Variants in DNMT1 observed in about 807,000 individuals in gnomAD.
DNMT1 encodes DNA methyltransferase 1, also known as DNA (cytosine-5)-methyltransferase 1.
DNMT1 carries 24 observed loss-of-function variants against 205.3 expected under a neutral mutation model. That is an observed-to-expected ratio of 0.12 (90% confidence interval 0.08 to 0.16). DNMT1 has a LOEUF of 0.16. DNMT1 is among the 10% of genes least tolerant of loss of function. DNMT1 has a pLI of 1.00. For missense variants in DNMT1, 1,293 were observed against 2,177.7 expected, an observed-to-expected ratio of 0.59 and a Z score of 8.09; for synonymous variants, 817 against 839.8, an observed-to-expected ratio of 0.97 and a Z score of 0.47.
intron 12 of DNMT1, 119 bp downstream of exon 12, chr19:10,163,207 T>C (rs888127476): frequency 1.8e-6 from 2 of 1,117,404 alleles, no homozygotes; most frequent in Non-Finnish European, 2.7e-6. Context: ...CCTCAGGTGA[T>C]TCACCCACCT....
At chr19:10,148,353 G>C (rs893382266) in intron 27 of DNMT1, among the ~76,000 whole-genome samples, 1 of 149,804 alleles carries the variant, frequency 6.7e-6, no homozygotes, top group Admixed American at 6.7e-5. Flanking sequence ...AAAACTAGCC[G>C]GGTGTGGTGG....
chr19:10,188,043 G>A (rs1568261195), intron 1 of DNMT1, among the ~76,000 whole-genome samples: 1 of 152,204 alleles, frequency 6.6e-6, no homozygotes, highest in East Asian at 1.9e-4. Context: ...TCAGGAGACT[G>A]AGGCAGGAGG....
At chr19:10,190,765 AAAAATAAAATAAAAT>A (rs71188886) in intron 1 of DNMT1, among the ~76,000 whole-genome samples, 3,900 of 134,596 alleles carry the variant, frequency 0.029, 70 homozygotes, top group Non-Finnish European at 0.038. Flanking sequence ...ACTCTGTCTC[AAAAATAAAATAAAAT>A]AAAATAAAAT....
chr19:10,149,844 G>A lies in DNMT1; in HGVS notation c.2381+9C>T, dbSNP rs757202446. 1.2e-6 allele frequency: 2 copies of A among 1,614,030 alleles called. No homozygotes were observed. Among genetic ancestry groups the A allele is most frequent in the South Asian group, 1.1e-5 (1 of 91,088 alleles). ...CATGCAGAAGTCAAGCAAAAAGAAA[G>A]ATGCAAACCTTGCTAGATACAGCGG... On this transcript the variant is annotated intron_variant, in intron 25 of 40. Transcript: ENST00000359526.
chr19:10,171,512 A>C (rs1452567196), intron 9 of DNMT1, among the ~76,000 whole-genome samples: 4 of 152,122 alleles, frequency 2.6e-5, no homozygotes, highest in Non-Finnish European at 5.9e-5. Flanking sequence ...CTCTACTAAA[A>C]ACACAAAAAT....
intron 1 of DNMT1, among the ~76,000 whole-genome samples, chr19:10,183,219 G>A (rs568254549): frequency 3.1e-4 from 47 of 150,908 alleles, no homozygotes; most frequent in African/African-American, 1.1e-3. Context: ...AGGTTCAAGC[G>A]ATTCTCCTGG....
intron 3 of DNMT1, 54 bp from the exon 4 acceptor site, chr19:10,180,623 AACAAGGAAAC>A: frequency 6.4e-7 from 1 of 1,569,694 alleles, no homozygotes; most frequent in Non-Finnish European, 8.8e-7. Context: ...AGTGTCAGAG[AACAAGGAAAC>A]ACATGTGTTT....
At chr19:10,161,365 C>T (rs1388163424) in intron 13 of DNMT1, among the ~76,000 whole-genome samples, 1 of 148,504 alleles carries the variant, frequency 6.7e-6, no homozygotes, top group African/African-American at 2.5e-5. Flanking sequence ...AAATAAATAA[C>T]TGGCCAGGCA....
rs186149574 is a variant in DNMT1, at chr19:10,134,987, G to A, written c.4774-680C>T. Among the ~76,000 whole-genome samples, 110 of 152,026 alleles carry A rather than the reference G, an allele frequency of 7.2e-4. 1 individual carries two copies. In the East Asian group the frequency reaches 0.016, roughly 22 times the overall value. On this transcript the variant is annotated intron_variant, in intron 39 of 40. Coordinates refer to ENST00000359526, the MANE Select transcript of DNMT1 (RefSeq NM_001130823.3). ...AGCACTTTGGGAGGCCGAGGCAGGCGGATCACCTGAGGTCAAGAGTTCGGG... is the reference window on the plus strand; with the variant it reads ...AGCACTTTGGGAGGCCGAGGCAGGCAGATCACCTGAGGTCAAGAGTTCGGG...
chr19:10,135,324 C>T (rs367969841), intron 39 of DNMT1: 10 of 244,006 alleles, frequency 4.1e-5, no homozygotes, highest in African/African-American at 1.3e-4. Context: ...AAGCAATGCG[C>T]GTGCCCTATG....
chr19:10,189,545 G>A (rs140598412), intron 1 of DNMT1, among the ~76,000 whole-genome samples: 20 of 151,506 alleles, frequency 1.3e-4, no homozygotes, highest in Admixed American at 8.6e-4. Context: ...TCTGCCTCCC[G>A]AGTAGCTGGG....
intron 11 of DNMT1, 114 bp downstream of exon 11, chr19:10,166,484 G>A (rs2038695558): frequency 1.5e-6 from 2 of 1,295,378 alleles, no homozygotes; most frequent in African/African-American, 1.5e-5. Flanking sequence ...GCCCCATGGA[G>A]CCTGGGTGGA....
rs138998574 is a variant in DNMT1, at chr19:10,180,179, G to C, written c.493+8C>G. 2 of 768,956 alleles carry C rather than the reference G, an allele frequency of 2.6e-6. No homozygotes were observed. Among genetic ancestry groups the C allele is most frequent in the Non-Finnish European group, 4.3e-6 (2 of 460,172 alleles). 47.6% of individuals were successfully genotyped at this position (768,956 alleles called of 1,614,324 possible). On this transcript the variant is annotated splice_region_variant and intron_variant, in intron 5 of 40. Transcript: ENST00000359526. ...ATACAAAAATTAGCTGGGTGTGGTG[G>C]CACATACCTCTAATCCCAGTTACTT...
rs1224353267 is a variant in DNMT1, at chr19:10,149,958, T to C, written c.2276A>G (p.Lys759Arg). The change falls in exon 25 of 41, where the codon AAG becomes AGG. Residue 759 changes from lysine to arginine, a missense_variant. This residue lies in a region of DNMT1 where 197 missense variants were observed against 353.6 expected (regional missense o/e 0.56). Transcript: ENST00000359526. ...WVGEAVKTDG[K>R]KSYYKKVCID... ...GCACACCTTCTTATAGTAACTCTTC[T>C]TCCCATCAGTCTGAAAATGAGAGCA... The C allele has an allele frequency of 3.1e-6, 5 of 1,614,150 alleles. No individual in the cohort carries two copies. Among genetic ancestry groups the C allele is most frequent in the Non-Finnish European group, 4.2e-6 (5 of 1,179,978 alleles).
rs1003386808 is a variant in DNMT1, at chr19:10,159,310, A to C, written c.1280+348T>G. ...GGCTCACTGCAGCCTCCGCCTCCAGAGTTCAAGAAATTCTCCTGCCTAAGC... is the reference window on the plus strand; with the variant it reads ...GGCTCACTGCAGCCTCCGCCTCCAGCGTTCAAGAAATTCTCCTGCCTAAGC... On this transcript the variant is annotated intron_variant, in intron 17 of 40. Transcript: ENST00000359526. The surrounding 1 kb of genome is among the most constrained non-coding windows in gnomAD (Gnocchi z 5.0). Among the ~76,000 whole-genome samples, 6 of 152,210 alleles carry C rather than the reference A, an allele frequency of 3.9e-5. No individual in the cohort carries two copies. In the East Asian group the frequency reaches 9.7e-4, roughly 24 times the overall value.
chr19:10,180,379 C>T lies in DNMT1; in HGVS notation c.416G>A (p.Arg139Lys). The change falls in exon 4 of 41, where the codon AGG (arginine) becomes AAG (lysine). Residue 139 changes from arginine (R) to lysine (K), a missense_variant. This residue lies in a region of DNMT1 where 394 missense variants were observed against 451.6 expected (regional missense o/e 0.87). Coordinates refer to ENST00000359526, the MANE Select transcript of DNMT1 (RefSeq NM_001130823.3). The stretch of plus-strand genomic sequence containing the variant: ...AGCCTCTCCATCGGACTTGCTCCTC[C>T]TGGGCGTGCGAGGTTTGGAAAGGGG... ...PKPLSKPRTP[R>K]RSKSDGEAKR... The T allele has an allele frequency of 6.2e-7, 1 of 1,613,570 alleles. No homozygotes were observed. Among genetic ancestry groups the T allele is most frequent in the Non-Finnish European group, 8.5e-7 (1 of 1,180,012 alleles).
intron 11 of DNMT1, among the ~76,000 whole-genome samples, chr19:10,165,046 G>A (rs369259907): frequency 2.1e-4 from 31 of 149,540 alleles, no homozygotes; most frequent in Middle Eastern, 3.6e-3. Context: ...TGGATAACTC[G>A]AGTCTAGGAG....
chr19:10,166,008 G>C (rs1004334988), intron 11 of DNMT1, among the ~76,000 whole-genome samples: 1 of 152,018 alleles, frequency 6.6e-6, no homozygotes, highest in Non-Finnish European at 1.5e-5. Flanking sequence ...GACCCTCTTG[G>C]GGTCTTCGGC....
chr19:10,167,180 G>T (rs1176256040), intron 10 of DNMT1, among the ~76,000 whole-genome samples: 1 of 151,774 alleles, frequency 6.6e-6, no homozygotes, highest in African/African-American at 2.4e-5. Flanking sequence ...TCAGCTAATT[G>T]TTTTCTTTTT....
Sources: allele counts gnomAD v4.1 joint callset (sites outside exome capture counted in the v4.1 genomes callset), GRCh38; gene constraint gnomAD v4.1.1; regional missense constraint gnomAD v4.1.1; non-coding constraint Gnocchi (gnomAD v3.1); transcripts MANE v1.5; gene names NCBI Gene and HGNC (gene_info 2026-07-23, HGNC 2026-07-21).